IL2RA: variants seen among roughly 807,000 people sequenced by gnomAD.
The protein encoded by IL2RA is interleukin 2 receptor subunit alpha, also known as interleukin-2 receptor subunit alpha.
In IL2RA, 24 loss-of-function variants were observed where a neutral mutation model predicts 37.8. That is an observed-to-expected ratio of 0.63 (90% confidence interval 0.46 to 0.89). The LOEUF (loss-of-function observed/expected upper bound fraction) is 0.89. Among genes scored for constraint, IL2RA ranks in the 40% least tolerant of loss-of-function variants. The pLI, the probability that IL2RA is intolerant of heterozygous loss-of-function variation, is 0.00. For synonymous variants in IL2RA, 125 were observed against 114.6 expected, an observed-to-expected ratio of 1.09 and a Z score of -0.58; for missense variants, 319 against 348.6, an observed-to-expected ratio of 0.92 and a Z score of 0.68.
At position 6,058,084 on chromosome 10, in the gene IL2RA, G is replaced by A. The variant is rs554553713; in HGVS notation, c.64+4004C>T. The stretch of plus-strand genomic sequence containing the variant: ...AGAGGTTGCAGTGAGCCAATATCTC[G>A]CCACTGCACTCCAGCCTGAGTGACA... On this transcript the variant is annotated intron_variant, in intron 1 of 7. Coordinates refer to ENST00000379959, the MANE Select transcript of IL2RA (RefSeq NM_000417.3). The surrounding 1 kb of genome is among the most constrained non-coding windows in gnomAD (Gnocchi z 4.2). 1.7e-4 allele frequency among the ~76,000 whole-genome samples: 26 copies of A among 152,164 alleles called. No individual in the cohort carries two copies. The South Asian group carries it at 3.1e-3, about 18-fold the overall frequency.
At chr10:6,053,308 T>TG in intron 1 of IL2RA, among the ~76,000 whole-genome samples, 1 of 152,160 alleles carries the variant, frequency 6.6e-6, no homozygotes, top group East Asian at 1.9e-4. Context: ...AGGCAGAAAA[T>TG]GGGGATAATC....
In IL2RA at chr10:6,048,072, G is replaced by A. The variant is rs867648714; in HGVS notation, c.64+14016C>T. Among the ~76,000 whole-genome samples the A allele has an allele frequency of 1.1e-4, 16 of 152,270 alleles. No individual in the cohort carries two copies. Among genetic ancestry groups the A allele is most frequent in the African/African-American group, 2.4e-4 (10 of 41,548 alleles). Reference sequence around the variant, plus strand: ...CGCACAAGTGTCTGCCTGTCCTCCCGCCTATCCTCCCTCATGTGCTGGCTG... The same window carrying A: ...CGCACAAGTGTCTGCCTGTCCTCCCACCTATCCTCCCTCATGTGCTGGCTG... On this transcript the variant is annotated intron_variant, in intron 1 of 7. Transcript: ENST00000379959. The surrounding 1 kb of genome is among the most constrained non-coding windows in gnomAD (Gnocchi z 5.3).
Position 6,024,332 on chromosome 10 carries a change from T to C in IL2RA, c.279A>G (p.Gln93=), listed in dbSNP as rs773086693. ...TSSATRNTTK[Q]VTPQPEEQKE... Reference sequence around the variant, plus strand: ...TCTGTTCTTCAGGTTGAGGTGTCACTTGTTTCGTTGTGTTCCGAGTGGCTA... The same window carrying C: ...TCTGTTCTTCAGGTTGAGGTGTCACCTGTTTCGTTGTGTTCCGAGTGGCTA... The change falls in exon 3 of 8, where the codon CAA becomes CAG. Residue 93 remains glutamine (Q), a synonymous_variant. Transcript: ENST00000379959. 9.9e-6 allele frequency: 16 copies of C among 1,613,806 alleles called. No individual in the cohort carries two copies. The Admixed American group carries it at 2.7e-4, about 27-fold the overall frequency.
Position 6,046,673 on chromosome 10 carries a change from T to A in IL2RA, c.64+15415A>T, listed in dbSNP as rs889327067. On this transcript the variant is annotated intron_variant, in intron 1 of 7. Coordinates refer to ENST00000379959, the MANE Select transcript of IL2RA (RefSeq NM_000417.3). The surrounding 1 kb of genome is among the most constrained non-coding windows in gnomAD (Gnocchi z 4.8). ...CTTCTGCAGCCATGCTGAGAGGAAA[T>A]ACAGGCTTGCATTTCTCCAGAGTTC... 1.3e-5 allele frequency among the ~76,000 whole-genome samples: 2 copies of A among 152,222 alleles called. No homozygotes were observed. Among genetic ancestry groups the A allele is most frequent in the African/African-American group, 4.8e-5 (2 of 41,454 alleles).
chr10:6,053,854 C>T (rs1431070057), intron 1 of IL2RA, among the ~76,000 whole-genome samples: 1 of 152,186 alleles, frequency 6.6e-6, no homozygotes, highest in Non-Finnish European at 1.5e-5. Flanking sequence ...GGTAAAAGGA[C>T]TCAATTGCTG....
Position 6,025,083 on chromosome 10 carries a change from A to G in IL2RA, c.257-729T>C, listed in dbSNP as rs1172785236. 3.3e-5 allele frequency among the ~76,000 whole-genome samples: 5 copies of G among 152,128 alleles called. No individual in the cohort carries two copies. Among genetic ancestry groups the G allele is most frequent in the Admixed American group, 1.3e-4 (2 of 15,276 alleles). On this transcript the variant is annotated intron_variant, in intron 2 of 7. Transcript: ENST00000379959. This position sits in a 1 kb window ranked among gnomAD's most constrained non-coding sequence, Gnocchi z 4.4. ...CCCCATCACTAACAAAAAATACAAAATATTAGCCAGGCATGGTGGTGTGCG... is the reference window on the plus strand; with the variant it reads ...CCCCATCACTAACAAAAAATACAAAGTATTAGCCAGGCATGGTGGTGTGCG...
In IL2RA at chr10:6,056,759, A is replaced by AT. The variant is rs958469961; in HGVS notation, c.64+5328_64+5329insA. On this transcript the variant is annotated intron_variant, in intron 1 of 7. Transcript: ENST00000379959. The surrounding 1 kb of genome is among the most constrained non-coding windows in gnomAD (Gnocchi z 5.0). ...ACAGAGCGAAACTGTCCAAAAAAAA[A>AT]AAAGATTCCCCTTTCTCTTCTCTCA... is the stretch of plus-strand genomic sequence containing the variant. Among the ~76,000 whole-genome samples the AT allele has an allele frequency of 3.0e-4, 46 of 152,202 alleles. No individual in the cohort carries two copies. The highest frequency in any genetic ancestry group is 5.9e-4 in the Non-Finnish European group (40 of 68,026).
rs1839254752 is a variant in IL2RA, at chr10:6,015,093, T to A, written c.795-2197A>T. Among the ~76,000 whole-genome samples, 1 of 150,726 alleles carries A rather than the reference T, an allele frequency of 6.6e-6. No homozygotes were observed. Among genetic ancestry groups the A allele is most frequent in the Admixed American group, 6.6e-5 (1 of 15,204 alleles). The stretch of plus-strand genomic sequence containing the variant: ...TTCTTTTTCTTTCTTTTCTTTTTTC[T>A]TTCTTTCTTTTTTTTTTTAAACAGA... On this transcript the variant is annotated intron_variant, in intron 7 of 7. Coordinates refer to ENST00000379959, the MANE Select transcript of IL2RA (RefSeq NM_000417.3). This position sits in a 1 kb window ranked among gnomAD's most constrained non-coding sequence, Gnocchi z 4.9.
intron 1 of IL2RA, among the ~76,000 whole-genome samples, chr10:6,045,584 C>A (rs1839840315): frequency 6.6e-6 from 1 of 152,136 alleles, no homozygotes; most frequent in African/African-American, 2.4e-5. Flanking sequence ...TAAAAGTTAT[C>A]AGATTTAAAA....
At chr10:6,016,874 A>G (rs985534130) in intron 7 of IL2RA, among the ~76,000 whole-genome samples, 2 of 152,178 alleles carry the variant, frequency 1.3e-5, no homozygotes, top group Non-Finnish European at 2.9e-5. Context: ...CTCCTGGGCT[A>G]TCTTTTAACT....
At chr10:6,034,702 G>A (rs1839652393) in intron 1 of IL2RA, among the ~76,000 whole-genome samples, 1 of 151,924 alleles carries the variant, frequency 6.6e-6, no homozygotes, top group East Asian at 1.9e-4. Context: ...CAGCTAACAA[G>A]GGCTTTTCTC....
At position 6,044,130 on chromosome 10, in the gene IL2RA, C is replaced by A. The variant is rs10905656; in HGVS notation, c.64+17958G>T. Among the ~76,000 whole-genome samples the A allele has an allele frequency of 0.39, 59,710 of 152,096 alleles. 12,877 individuals are homozygous for A. The highest frequency in any genetic ancestry group is 0.61 in the East Asian group (3,151 of 5,164). ...CCTCTCAGTCCTCAGCAGCTGAATT[C>A]AACACAATGATTAAGCCTAGAGCAT... On this transcript the variant is annotated intron_variant, in intron 1 of 7. Transcript: ENST00000379959. The surrounding 1 kb of genome is among the most constrained non-coding windows in gnomAD (Gnocchi z 4.5).
chr10:6,031,500 ATATATATATATGTATATATATG>A (rs1564546031), intron 1 of IL2RA, among the ~76,000 whole-genome samples: 34 of 71,480 alleles, frequency 4.8e-4, no homozygotes, highest in East Asian at 2.1e-3. Context: ...ATATGTATAT[ATATATATATATGTATATATATG>A]TATATATATA....
At chr10:6,061,438 CATAT>C (rs1840120777) in intron 1 of IL2RA, among the ~76,000 whole-genome samples, 1 of 151,878 alleles carries the variant, frequency 6.6e-6, no homozygotes, top group Non-Finnish European at 1.5e-5. Context: ...TTAAAATTTG[CATAT>C]ATAAACACGT....
rs12722560 is a variant in IL2RA, at chr10:6,028,170, G to A, written c.65-2145C>T. Reference sequence around the variant, plus strand: ...GCAGCACCCAGGTGGAACCCAAGCAGAGTGGTTTCATTGACGTGACATGAC... The same window carrying A: ...GCAGCACCCAGGTGGAACCCAAGCAAAGTGGTTTCATTGACGTGACATGAC... On this transcript the variant is annotated intron_variant, in intron 1 of 7. Coordinates refer to ENST00000379959, the MANE Select transcript of IL2RA (RefSeq NM_000417.3). This position sits in a 1 kb window ranked among gnomAD's most constrained non-coding sequence, Gnocchi z 4.1. Among the ~76,000 whole-genome samples the A allele has an allele frequency of 0.016, 2,371 of 152,218 alleles. 34 individuals are homozygous for A. Among genetic ancestry groups the A allele is most frequent in the South Asian group, 0.028 (134 of 4,828 alleles).
At position 6,048,079 on chromosome 10, in the gene IL2RA, C is replaced by T. The variant is rs563220334; in HGVS notation, c.64+14009G>A. Among the ~76,000 whole-genome samples, 1 of 152,342 alleles carries T rather than the reference C, an allele frequency of 6.6e-6. No homozygotes were observed. Among genetic ancestry groups the T allele is most frequent in the South Asian group, 2.1e-4 (1 of 4,828 alleles). ...GTGTCTGCCTGTCCTCCCGCCTATCCTCCCTCATGTGCTGGCTGCATCCTG... is the reference window on the plus strand; with the variant it reads ...GTGTCTGCCTGTCCTCCCGCCTATCTTCCCTCATGTGCTGGCTGCATCCTG... On this transcript the variant is annotated intron_variant, in intron 1 of 7. Transcript: ENST00000379959. This position sits in a 1 kb window ranked among gnomAD's most constrained non-coding sequence, Gnocchi z 5.3.
intron 1 of IL2RA, among the ~76,000 whole-genome samples, chr10:6,052,497 C>G (rs1396395885): frequency 6.6e-6 from 1 of 152,156 alleles, no homozygotes; most frequent in East Asian, 1.9e-4. Flanking sequence ...AATGAACAAA[C>G]CAATAGCCGG....
intron 1 of IL2RA, among the ~76,000 whole-genome samples, chr10:6,049,262 C>T (rs1341326435): frequency 6.6e-6 from 1 of 152,220 alleles, no homozygotes; most frequent in Non-Finnish European, 1.5e-5. Context: ...GATGTCCCAG[C>T]TTGAACAGAG....
At position 6,033,811 on chromosome 10, in the gene IL2RA, T is replaced by C. The variant is rs1839638981; in HGVS notation, c.65-7786A>G. Reference sequence around the variant, plus strand: ...GTGGGTATTGACCAGAAGGCAGAAGTGATGAAAACGTTTTTGCAGCTGTAC... The same window carrying C: ...GTGGGTATTGACCAGAAGGCAGAAGCGATGAAAACGTTTTTGCAGCTGTAC... On this transcript the variant is annotated intron_variant, in intron 1 of 7. Transcript: ENST00000379959. This position sits in a 1 kb window ranked among gnomAD's most constrained non-coding sequence, Gnocchi z 4.3. 6.6e-6 allele frequency among the ~76,000 whole-genome samples: 1 copy of C among 152,244 alleles called. No homozygotes were observed. The highest frequency in any genetic ancestry group is 1.5e-5 in the Non-Finnish European group (1 of 68,044).
Sources: gnomAD v4.1 joint callset for allele counts (sites outside exome capture counted in the v4.1 genomes callset) on GRCh38, gnomAD v4.1.1 for gene constraint, Gnocchi (gnomAD v3.1) non-coding constraint, MANE v1.5 for transcripts, NCBI Gene and HGNC (gene_info 2026-07-23, HGNC 2026-07-21) for gene names.